TMEM51: variants seen among roughly 807,000 people sequenced by gnomAD.
TMEM51 encodes transmembrane protein 51.
Under a neutral mutation model 13.6 loss-of-function variants are expected in TMEM51, and 8 were observed. The observed-to-expected ratio is 0.59, with a 90% CI of 0.35 to 1.07. The LOEUF (loss-of-function observed/expected upper bound fraction) is 1.07, where lower values mean the gene tolerates loss of function less well. Ranked by LOEUF, TMEM51 falls within the 50% of genes least tolerant of loss-of-function variation. The pLI is 0.02. For synonymous variants in TMEM51, 147 were observed against 144.4 expected, an observed-to-expected ratio of 1.02 and a Z score of -0.13; for missense variants, 279 against 330.7, an observed-to-expected ratio of 0.84 and a Z score of 1.21.
At chr1:15,206,073 C>T (rs746733846) in intron 1 of TMEM51, among the ~76,000 whole-genome samples, 1 of 152,018 alleles carries the variant, frequency 6.6e-6, no homozygotes. Context: ...CCTTTCTCTA[C>T]AAAAGACGCA....
chr1:15,175,931 A>G (rs1643444412), intron 1 of TMEM51, among the ~76,000 whole-genome samples: 1 of 152,204 alleles, frequency 6.6e-6, no homozygotes, highest in Non-Finnish European at 1.5e-5. Context: ...GTCTGCTGCC[A>G]CCGTGTCAGT....
intron 1 of TMEM51, among the ~76,000 whole-genome samples, chr1:15,183,029 C>G (rs1010402771): frequency 6.6e-6 from 1 of 152,222 alleles, no homozygotes; most frequent in Non-Finnish European, 1.5e-5. Flanking sequence ...TTCCAAAGTA[C>G]TAGGATAACA....
At chr1:15,200,431 A>AAG (rs1367273024) in intron 1 of TMEM51, among the ~76,000 whole-genome samples, 1,916 of 124,622 alleles carry the variant, frequency 0.015, 63 homozygotes, top group East Asian at 0.02. Flanking sequence ...AAAAAAAAAA[A>AAG]AGAGAGAGAT....
At chr1:15,191,807 G>T in intron 1 of TMEM51, 1 of 388,744 alleles carries the variant, frequency 2.6e-6, no homozygotes, top group Non-Finnish European at 5.2e-6. Flanking sequence ...ATTTTTGAGA[G>T]CTGATGTTAC....
At chr1:15,176,298 C>T (rs928847675) in intron 1 of TMEM51, among the ~76,000 whole-genome samples, 3 of 152,194 alleles carry the variant, frequency 2.0e-5, no homozygotes. Flanking sequence ...GCAGTGAGAA[C>T]ACAGGTGTTC....
intron 1 of TMEM51, among the ~76,000 whole-genome samples, chr1:15,159,214 G>T (rs986716295): frequency 6.6e-6 from 1 of 152,180 alleles, no homozygotes; most frequent in Non-Finnish European, 1.5e-5. Context: ...GCCATTGTTC[G>T]TCTAGCCTCC....
chr1:15,157,380 A>G (rs1642625032), intron 1 of TMEM51, among the ~76,000 whole-genome samples: 1 of 152,234 alleles, frequency 6.6e-6, no homozygotes, highest in Non-Finnish European at 1.5e-5. Context: ...TATCGGGGCC[A>G]GAGGGATCTT....
At position 15,219,479 on chromosome 1, in the gene TMEM51, G is replaced by A. The variant is rs1185658233; in HGVS notation, c.498G>A (p.Gly166=). ...TCCCGTCCTATGAGTCACTGACGGG[G>A]CTCGACGAGACCACCCCCACATCCA... The part of the protein sequence containing the change: ...ISLPSYESLT[G]LDETTPTSTR... The change falls in exon 4 of 4, where the codon GGG becomes GGA. Residue 166 remains glycine, a synonymous_variant. Coordinates refer to ENST00000376008, the MANE Select transcript of TMEM51 (RefSeq NM_001136218.2). 1.9e-6 allele frequency: 3 copies of A among 1,614,120 alleles called. No homozygotes were observed. Among genetic ancestry groups the A allele is most frequent in the East Asian group, 2.2e-5 (1 of 44,882 alleles).
chr1:15,202,341 G>A (rs1004514194), intron 1 of TMEM51, among the ~76,000 whole-genome samples: 5 of 152,174 alleles, frequency 3.3e-5, no homozygotes, highest in African/African-American at 1.2e-4. Context: ...AGGTGTGAAC[G>A]GGAATGCCAC....
At chr1:15,215,902 C>T (rs968701030) in intron 3 of TMEM51, among the ~76,000 whole-genome samples, 1 of 152,142 alleles carries the variant, frequency 6.6e-6, no homozygotes, top group Non-Finnish European at 1.5e-5. Context: ...TGGCACATGC[C>T]TGTAGTCCCA....
At chr1:15,166,799 G>C (rs144701180) in intron 1 of TMEM51, among the ~76,000 whole-genome samples, 3 of 152,066 alleles carry the variant, frequency 2.0e-5, no homozygotes, top group African/African-American at 4.8e-5. Flanking sequence ...AACACAGTTC[G>C]ATGAGTTTTG....
chr1:15,212,822 C>T (rs547208196), intron 2 of TMEM51, among the ~76,000 whole-genome samples: 3 of 152,366 alleles, frequency 2.0e-5, no homozygotes, highest in South Asian at 2.1e-4. Flanking sequence ...CATATGCATG[C>T]ATATGTACAT....
intron 1 of TMEM51, among the ~76,000 whole-genome samples, chr1:15,154,552 C>G (rs1290565472): frequency 6.6e-6 from 1 of 152,152 alleles, no homozygotes; most frequent in Non-Finnish European, 1.5e-5. Flanking sequence ...TCCCAGGGTG[C>G]GGCGGGGCAT....
intron 3 of TMEM51, 74 bp downstream of exon 3, chr1:15,215,505 T>G (rs1347147203): frequency 2.6e-5 from 35 of 1,343,048 alleles, no homozygotes; most frequent in Non-Finnish European, 3.5e-5. Flanking sequence ...TGTTCACACC[T>G]TTCCGTGGTG....
chr1:15,215,542 T>G (rs1644418346), intron 3 of TMEM51, 111 bp downstream of exon 3: 1 of 1,064,850 alleles, frequency 9.4e-7, no homozygotes, highest in South Asian at 1.7e-5. Flanking sequence ...CAGGCTTTAT[T>G]GTCCCATGTT....
chr1:15,187,494 C>A (rs1482310926), intron 1 of TMEM51, among the ~76,000 whole-genome samples: 1 of 152,190 alleles, frequency 6.6e-6, no homozygotes, highest in Non-Finnish European at 1.5e-5. Flanking sequence ...CATGCCCGGC[C>A]CATGGGGGCA....
At chr1:15,211,659 G>T (rs1309805500) in intron 2 of TMEM51, among the ~76,000 whole-genome samples, 1 of 152,100 alleles carries the variant, frequency 6.6e-6, no homozygotes. Flanking sequence ...TGTGAGCCCA[G>T]GAAGCCTGGG....
rs199733187 is a variant in TMEM51 at position 15,160,116 on chromosome 1, T to C, written c.-267+6162T>C. On this transcript the variant is annotated intron_variant, in intron 1 of 3. Transcript: ENST00000376008. ...ATTTTATGTCTTTTCCATGTTTTTC[T>C]CCTCACATGTGGTCTAGGGAGGGGT... Among the ~76,000 whole-genome samples, 14 of 152,304 alleles carry C rather than the reference T, an allele frequency of 9.2e-5. No homozygotes were observed. In the East Asian group the frequency reaches 2.5e-3, roughly 27 times the overall value.
chr1:15,163,359 C>G (rs771518741), intron 1 of TMEM51, among the ~76,000 whole-genome samples: 1 of 152,010 alleles, frequency 6.6e-6, no homozygotes, highest in Non-Finnish European at 1.5e-5. Flanking sequence ...AAAGCCCGGA[C>G]TTCTTAGAGT....
Sources: gnomAD v4.1 joint callset for allele counts (sites outside exome capture counted in the v4.1 genomes callset) on GRCh38, gnomAD v4.1.1 for gene constraint, MANE v1.5 for transcripts, NCBI Gene and HGNC (gene_info 2026-07-23, HGNC 2026-07-21) for gene names.